PCDHGB2: variants seen among roughly 807,000 people sequenced by gnomAD.
PCDHGB2 encodes the protein protocadherin gamma subfamily B, 2.
In PCDHGB2, 55 loss-of-function variants were observed where a neutral mutation model predicts 59.3. The observed-to-expected ratio is 0.93, with a 90% CI of 0.75 to 1.16. The LOEUF (loss-of-function observed/expected upper bound fraction) is 1.16. PCDHGB2 is among the 50% of genes most tolerant of loss of function. The pLI, the probability that PCDHGB2 is intolerant of heterozygous loss-of-function variation, is 0.00. For synonymous variants in PCDHGB2, 516 were observed against 512.0 expected, an observed-to-expected ratio of 1.01 and a Z score of -0.11; for missense variants, 1,228 against 1,198.5, an observed-to-expected ratio of 1.02 and a Z score of -0.36.
chr5:141,505,832 T>G (rs1006398435), intron 3 of PCDHGB2, among the ~76,000 whole-genome samples: 1 of 152,188 alleles, frequency 6.6e-6, no homozygotes, highest in African/African-American at 2.4e-5. Flanking sequence ...AAACCTCAGT[T>G]TCCTCAGCCT....
rs766227340 is a variant in PCDHGB2, at chr5:141,476,791, C to T, written c.2422-18016C>T. On this transcript the variant is annotated intron_variant, in intron 1 of 3. Transcript: ENST00000522605. The surrounding 1 kb of genome is among the most constrained non-coding windows in gnomAD (Gnocchi z 7.6). ...TGGACGGAGGGACCCCAGCTCTCTCCGCCAGCCTGCCTATTCACATCAAGG... is the reference window on the plus strand; with the variant it reads ...TGGACGGAGGGACCCCAGCTCTCTCTGCCAGCCTGCCTATTCACATCAAGG... 5.6e-6 allele frequency: 9 copies of T among 1,613,394 alleles called. No homozygotes were observed. Among genetic ancestry groups the T allele is most frequent in the Middle Eastern group, 1.6e-4 (1 of 6,084 alleles).
intron 1 of PCDHGB2, among the ~76,000 whole-genome samples, chr5:141,468,064 C>T (rs1026571562): frequency 3.3e-5 from 5 of 152,076 alleles, no homozygotes; most frequent in Non-Finnish European, 7.4e-5. Flanking sequence ...GTGGCTCACA[C>T]CTGTAATCCC....
rs752088903 is a variant in PCDHGB2, at chr5:141,490,784, G to A, written c.2422-4023G>A. The A allele has an allele frequency of 1.7e-5, 27 of 1,613,906 alleles. No individual in the cohort carries two copies. The highest frequency in any genetic ancestry group is 1.2e-4 in the African/African-American group (9 of 74,922). The stretch of plus-strand genomic sequence containing the variant: ...GTGTATGTCAACCCAGAGGATGGAC[G>A]GATCTTTGCCCAGCGTACCTTTGAC... On this transcript the variant is annotated intron_variant, in intron 1 of 3. Transcript: ENST00000522605. This position sits in a 1 kb window ranked among gnomAD's most constrained non-coding sequence, Gnocchi z 5.4.
chr5:141,376,483 G>C (rs139873493), intron 1 of PCDHGB2: 3 of 1,614,058 alleles, frequency 1.9e-6, no homozygotes, highest in East Asian at 2.2e-5. Context: ...TACTTGAAAC[G>C]AAAGGAGAAC....
chr5:141,481,352 C>T (rs1007066307), intron 1 of PCDHGB2, among the ~76,000 whole-genome samples: 3 of 152,222 alleles, frequency 2.0e-5, no homozygotes, highest in East Asian at 1.9e-4. Flanking sequence ...TAAACATCTA[C>T]AGCTGTTCAA....
chr5:141,430,939 G>A, intron 1 of PCDHGB2: 1 of 1,607,854 alleles, frequency 6.2e-7, no homozygotes, highest in South Asian at 1.1e-5. Flanking sequence ...GGGAGCTCGC[G>A]GAGCGCGGAG....
intron 1 of PCDHGB2, chr5:141,415,743 T>G (rs1317934891): frequency 9.6e-6 from 3 of 311,420 alleles, no homozygotes; most frequent in Non-Finnish European, 1.2e-5. Context: ...TATTAAGGTT[T>G]TTTTTTTTTT....
rs1207647899 is a variant in PCDHGB2, at chr5:141,491,938, C to T, written c.2422-2869C>T. The T allele has an allele frequency of 1.6e-5, 19 of 1,199,190 alleles. No homozygotes were observed. Among genetic ancestry groups the T allele is most frequent in the Non-Finnish European group, 2.1e-5 (18 of 875,372 alleles). 74.3% of individuals were successfully genotyped at this position (1,199,190 alleles called of 1,614,324 possible). ...TGTGGGCGAGGGGAGGTGGGACCGA[C>T]CCCCACCCCTACACTCAAAAAAGGC... is the stretch of plus-strand genomic sequence containing the variant. On this transcript the variant is annotated intron_variant, in intron 1 of 3. Coordinates refer to ENST00000522605, the MANE Select transcript of PCDHGB2 (RefSeq NM_018923.3). This position sits in a 1 kb window ranked among gnomAD's most constrained non-coding sequence, Gnocchi z 6.9.
intron 1 of PCDHGB2, chr5:141,417,619 C>A: frequency 1.5e-6 from 1 of 656,120 alleles, no homozygotes; most frequent in South Asian, 2.4e-5. Flanking sequence ...CAGTGCAGAG[C>A]AAGCGCTGAC....
chr5:141,366,150 G>T, intron 1 of PCDHGB2: 4 of 1,614,136 alleles, frequency 2.5e-6, no homozygotes, highest in Non-Finnish European at 3.4e-6. Flanking sequence ...CTGTCCTACC[G>T]CCTGCTTAAG....
In PCDHGB2 at chr5:141,476,933, GA is replaced by G; in HGVS notation, c.2422-17872del. 1 of 1,614,176 alleles carries G rather than the reference GA, an allele frequency of 6.2e-7. No individual in the cohort carries two copies. Reference sequence around the variant, plus strand: ...ACAAGTCCTTGCAACGGATCTGGATGAAGGCCCCAACGGTGAAATTATTTAC... The same window carrying G: ...ACAAGTCCTTGCAACGGATCTGGATGAGGCCCCAACGGTGAAATTATTTAC... On this transcript the variant is annotated intron_variant, in intron 1 of 3. Transcript: ENST00000522605. This position sits in a 1 kb window ranked among gnomAD's most constrained non-coding sequence, Gnocchi z 7.6.
At chr5:141,492,468 G>A (rs927514972) in intron 1 of PCDHGB2, among the ~76,000 whole-genome samples, 1 of 152,232 alleles carries the variant, frequency 6.6e-6, no homozygotes, top group Admixed American at 6.5e-5. Flanking sequence ...GAGGGTCCCA[G>A]ATCGCGGCCG....
intron 1 of PCDHGB2, chr5:141,479,494 G>C (rs747201739): frequency 2.6e-5 from 4 of 152,256 alleles, no homozygotes; most frequent in Non-Finnish European, 5.9e-5. Flanking sequence ...CCATCAGGTT[G>C]CCTAAAGAGG....
chr5:141,397,512 A>G (rs1043730091), intron 1 of PCDHGB2, among the ~76,000 whole-genome samples: 1 of 152,242 alleles, frequency 6.6e-6, no homozygotes, highest in Non-Finnish European at 1.5e-5. Context: ...AATTGTTTCC[A>G]TAGCTAATAA....
chr5:141,416,130 C>T (rs907950687), intron 1 of PCDHGB2: 1 of 154,098 alleles, frequency 6.5e-6, no homozygotes, highest in African/African-American at 2.4e-5. Context: ...ATATATTTTT[C>T]AATCTATACT....
At chr5:141,435,644 T>A (rs913195454) in intron 1 of PCDHGB2, among the ~76,000 whole-genome samples, 1 of 152,170 alleles carries the variant, frequency 6.6e-6, no homozygotes, top group Non-Finnish European at 1.5e-5. Flanking sequence ...TGGGAAAATT[T>A]CTGAAACGTG....
chr5:141,496,467 T>A (rs1334392771), intron 2 of PCDHGB2, among the ~76,000 whole-genome samples: 1 of 152,056 alleles, frequency 6.6e-6, no homozygotes, highest in Non-Finnish European at 1.5e-5. Context: ...GAGTTATCTT[T>A]CCCCCATCCT....
At chr5:141,413,729 G>C (rs2095671676) in intron 1 of PCDHGB2, 1 of 1,613,378 alleles carries the variant, frequency 6.2e-7, no homozygotes, top group Non-Finnish European at 8.5e-7. Flanking sequence ...TTCTCCCTAA[G>C]AGTTCAGAGC....
In PCDHGB2 at chr5:141,402,676, C is replaced by T. The variant is rs746643713; in HGVS notation, c.2421+40120C>T. 2.0e-5 allele frequency among the ~76,000 whole-genome samples: 3 copies of T among 152,282 alleles called. No homozygotes were observed. The East Asian group carries it at 5.8e-4, about 29-fold the overall frequency. ...GAGTAGTGTTTTCTTTATCAGCCAT[C>T]TGATATAATGTTACACATCAGTGGG... On this transcript the variant is annotated intron_variant, in intron 1 of 3. Transcript: ENST00000522605.
Sources: gnomAD v4.1 joint callset for allele counts (sites outside exome capture counted in the v4.1 genomes callset) on GRCh38, gnomAD v4.1.1 for gene constraint, Gnocchi (gnomAD v3.1) non-coding constraint, MANE v1.5 for transcripts, NCBI Gene and HGNC (gene_info 2026-07-23, HGNC 2026-07-21) for gene names.